Variants in CYP2C18 observed in about 807,000 individuals in gnomAD.
CYP2C18 encodes the protein cytochrome P450 family 2 subfamily C member 18, also known as cytochrome P450 2C18.
A neutral mutation model predicts 41.3 loss-of-function variants in CYP2C18; 38 were observed. The ratio of observed to expected loss-of-function variants is 0.92; its 90% CI spans 0.71 to 1.21. The LOEUF is 1.21. CYP2C18 is among the 50% of genes most tolerant of loss of function. The probability of loss-of-function intolerance (pLI) is 0.00; values close to 1 mark genes in which losing one functional copy is unlikely to be tolerated. For missense variants in CYP2C18, 635 were observed against 591.4 expected (o/e 1.07, Z -0.77); for synonymous variants, 236 against 210.0 (o/e 1.12, Z -1.07).
At chr10:94,722,066 C>A (rs1428180636) in intron 6 of CYP2C18, among the ~76,000 whole-genome samples, 1 of 151,998 alleles carries the variant, frequency 6.6e-6, no homozygotes, top group Non-Finnish European at 1.5e-5. Flanking sequence ...ATTTTTGATT[C>A]TTTGGGAAAT....
At position 94,711,596 on chromosome 10, in the gene CYP2C18, G is replaced by A. The variant is rs192821809; in HGVS notation, c.819+4636G>A. On this transcript the variant is annotated intron_variant, in intron 5 of 8. Coordinates refer to ENST00000285979, the MANE Select transcript of CYP2C18 (RefSeq NM_000772.3). ...ATAATTAAAAATTTGTTTTTATAGA[G>A]ATAGGGTCTCACTGTGTTTGCCCAG... Among the ~76,000 whole-genome samples the A allele has an allele frequency of 5.9e-5, 9 of 152,000 alleles. No homozygotes were observed. In the East Asian group the frequency reaches 1.7e-3, roughly 30 times the overall value.
At position 94,683,954 on chromosome 10, in the gene CYP2C18, A is replaced by G. The variant is rs562436635; in HGVS notation, c.135A>G (p.Leu45=). The G allele has an allele frequency of 6.2e-7, 1 of 1,609,782 alleles. No homozygotes were observed. Among genetic ancestry groups the G allele is most frequent in the East Asian group, 2.2e-5 (1 of 44,778 alleles). Residue 45 remains leucine (L), a synonymous_variant, in exon 1 of 9, where the codon TTA becomes TTG. Coordinates refer to ENST00000285979, the MANE Select transcript of CYP2C18 (RefSeq NM_000772.3). The stretch of plus-strand genomic sequence containing the variant: ...CGATTATTGGAAATATCCTGCAGTT[A>G]GATGTTAAGGACATGAGCAAATCCT... ...PLPIIGNILQ[L]DVKDMSKSLT...
In CYP2C18 at chr10:94,687,848, G is replaced by A. The variant is rs749917925; in HGVS notation, c.247G>A (p.Val83Met). ...PIVVLHGYEA[V>M]KEALIDHGEE... The stretch of plus-strand genomic sequence containing the variant: ...TGTGGTGTTGCATGGATATGAAGCA[G>A]TGAAGGAGGCCCTGATTGATCATGG... The change falls in exon 2 of 9, where the codon GTG becomes ATG. Residue 83 changes from valine (V) to methionine (M), a missense_variant. Coordinates refer to ENST00000285979, the MANE Select transcript of CYP2C18 (RefSeq NM_000772.3). 2.5e-6 allele frequency: 4 copies of A among 1,613,738 alleles called. No homozygotes were observed. In the African/African-American group the frequency reaches 4.0e-5, roughly 16 times the overall value.
chr10:94,733,341 C>T lies in CYP2C18; in HGVS notation c.1194C>T (p.Asp398=), dbSNP rs758269510. 1 of 1,613,394 alleles carries T rather than the reference C, an allele frequency of 6.2e-7. No individual in the cohort carries two copies. The highest frequency in any genetic ancestry group is 1.1e-5 in the South Asian group (1 of 91,046). The change falls in exon 8 of 9, where the codon GAC becomes GAT. Residue 398 remains aspartate (D), a synonymous_variant. Coordinates refer to ENST00000285979, the MANE Select transcript of CYP2C18 (RefSeq NM_000772.3). ...ITSLTSVLHN[D]KEFPNPEMFD... ...CCCTGACTTCTGTGCTGCACAATGACAAAGAATTCCCCAACCCAGAGATGT... is the reference window on the plus strand; with the variant it reads ...CCCTGACTTCTGTGCTGCACAATGATAAAGAATTCCCCAACCCAGAGATGT...
chr10:94,734,371 A>C (rs1344046806), intron 8 of CYP2C18, among the ~76,000 whole-genome samples: 1 of 152,140 alleles, frequency 6.6e-6, no homozygotes, highest in South Asian at 2.1e-4. Flanking sequence ...ATACACTGAG[A>C]TGTCAAGAAC....
chr10:94,704,746 A>G (rs1245093903), intron 4 of CYP2C18, among the ~76,000 whole-genome samples: 2 of 152,176 alleles, frequency 1.3e-5, no homozygotes, highest in Non-Finnish European at 2.9e-5. Flanking sequence ...TAAATTTCTT[A>G]GTATACATAG....
At chr10:94,691,879 A>G (rs1479816266) in intron 3 of CYP2C18, among the ~76,000 whole-genome samples, 1 of 152,202 alleles carries the variant, frequency 6.6e-6, no homozygotes, top group Non-Finnish European at 1.5e-5. Flanking sequence ...GCATATCTAC[A>G]ACTATCTGAT....
At chr10:94,729,425 A>G (rs540040468) in intron 7 of CYP2C18, among the ~76,000 whole-genome samples, 1 of 152,300 alleles carries the variant, frequency 6.6e-6, no homozygotes, top group Non-Finnish European at 1.5e-5. Context: ...TCTTCCTAAC[A>G]GCTCCAACAG....
chr10:94,709,612 A>AATTT (rs990119084), intron 5 of CYP2C18, among the ~76,000 whole-genome samples: 1 of 152,024 alleles, frequency 6.6e-6, no homozygotes. Context: ...TGTGAAATCC[A>AATTT]ATTTATTTAT....
chr10:94,704,832 T>A (rs575322996), intron 4 of CYP2C18, among the ~76,000 whole-genome samples: 9 of 152,316 alleles, frequency 5.9e-5, no homozygotes, highest in African/African-American at 2.2e-4. Context: ...CTCTACTGTG[T>A]GCCTTAACTA....
Position 94,696,740 on chromosome 10 carries a change from T to G in CYP2C18, c.642+1663T>G, listed in dbSNP as rs181954022. On this transcript the variant is annotated intron_variant, in intron 4 of 8. Transcript: ENST00000285979. ...GAAGTTAAAAACCTTGAAAAAAAAT[T>G]AGATGAATGGCTAACTAGAATAACC... Among the ~76,000 whole-genome samples the G allele has an allele frequency of 3.0e-3, 451 of 151,948 alleles. 3 individuals are homozygous for G. The highest frequency in any genetic ancestry group is 0.01 in the African/African-American group (425 of 41,416).
chr10:94,695,064 C>T lies in CYP2C18; in HGVS notation c.629C>T (p.Ser210Phe), dbSNP rs573172566. ...AATGAAAACCTCAGGATTCTGAGCT[C>T]TCCATGGATCCAGGTGAGATCAAGA... Reference protein sequence around the residue: ...KFNENLRILSSPWIQVCNNFP... With the variant: ...KFNENLRILSFPWIQVCNNFP... The change falls in exon 4 of 9, where the codon TCT becomes TTT. Residue 210 changes from serine (S) to phenylalanine (F), a missense_variant. Coordinates refer to ENST00000285979, the MANE Select transcript of CYP2C18 (RefSeq NM_000772.3). 289 of 1,611,854 alleles carry T rather than the reference C, an allele frequency of 1.8e-4. 3 individuals carry two copies. In the South Asian group the frequency reaches 2.9e-3, roughly 16 times the overall value.
intron 4 of CYP2C18, among the ~76,000 whole-genome samples, chr10:94,700,047 A>C (rs1421893021): frequency 6.6e-6 from 1 of 152,220 alleles, no homozygotes; most frequent in East Asian, 1.9e-4. Context: ...AGACGGCCAT[A>C]CTGCCCAAGG....
At chr10:94,700,073 A>G (rs1296702702) in intron 4 of CYP2C18, among the ~76,000 whole-genome samples, 2 of 152,198 alleles carry the variant, frequency 1.3e-5, no homozygotes, top group African/African-American at 4.8e-5. Flanking sequence ...TATAGATTCA[A>G]TGTCATTTCC....
rs527425316 is a variant in CYP2C18 at position 94,713,718 on chromosome 10, A to G, written c.820-6678A>G. ...CCCAGTAATGGGATGGCTGGGTCCA[A>G]TGATATTTCTAGTTCTAGATCCTTG... is the stretch of plus-strand genomic sequence containing the variant. On this transcript the variant is annotated intron_variant, in intron 5 of 8. Transcript: ENST00000285979. 4.5e-4 allele frequency among the ~76,000 whole-genome samples: 68 copies of G among 152,320 alleles called. No individual in the cohort carries two copies. In the East Asian group the frequency reaches 5.2e-3, roughly 12 times the overall value.
chr10:94,720,250 C>G (rs541490555), intron 5 of CYP2C18, 146 bp from the exon 6 acceptor site: 1 of 621,604 alleles, frequency 1.6e-6, no homozygotes, highest in South Asian at 2.4e-5. Flanking sequence ...CTCTGCCACA[C>G]CGTGCAATTG....
At chr10:94,707,983 T>A (rs1847372544) in intron 5 of CYP2C18, among the ~76,000 whole-genome samples, 1 of 152,182 alleles carries the variant, frequency 6.6e-6, no homozygotes, top group African/African-American at 2.4e-5. Flanking sequence ...AAGTACTCTT[T>A]GAACTGAGAA....
At chr10:94,705,579 C>G (rs1277149489) in intron 4 of CYP2C18, among the ~76,000 whole-genome samples, 3 of 152,090 alleles carry the variant, frequency 2.0e-5, no homozygotes, top group Non-Finnish European at 4.4e-5. Context: ...TTATTCAGTT[C>G]TCCCTTGTTT....
intron 4 of CYP2C18, among the ~76,000 whole-genome samples, chr10:94,700,485 C>T (rs953763881): frequency 6.6e-6 from 1 of 151,964 alleles, no homozygotes; most frequent in African/African-American, 2.4e-5. Flanking sequence ...AAGATGGATT[C>T]AATACTTAAA....
Sources: gnomAD v4.1 joint callset for allele counts (sites outside exome capture counted in the v4.1 genomes callset) on GRCh38, gnomAD v4.1.1 for gene constraint, MANE v1.5 for transcripts, NCBI Gene and HGNC (gene_info 2026-07-23, HGNC 2026-07-21) for gene names.